The following KHDC1 variants were observed in gnomAD, a reference collection of about 807,000 sequenced individuals.
KHDC1 encodes KH homology domain-containing protein 1.
KHDC1 carries 21 observed loss-of-function variants against 24.7 expected under a neutral mutation model. That is an observed-to-expected ratio of 0.85 (90% confidence interval 0.60 to 1.23). KHDC1 has a LOEUF of 1.23. Among genes scored for constraint, KHDC1 ranks in the 50% most tolerant of loss-of-function variants. KHDC1 has a pLI of 0.00. For synonymous variants in KHDC1, 98 were observed against 111.7 expected (o/e 0.88, Z 0.77); for missense variants, 274 against 298.5 (o/e 0.92, Z 0.61).
chr6:73,293,348 G>T, intron 1 of KHDC1: 1 of 479,560 alleles, frequency 2.1e-6, no homozygotes, highest in East Asian at 5.0e-5. Flanking sequence ...TATATAAAGG[G>T]TGACTTACAT....
chr6:73,255,534 T>TTC (rs1766865758), intron 2 of KHDC1, among the ~76,000 whole-genome samples: 1 of 150,754 alleles, frequency 6.6e-6, no homozygotes, highest in Non-Finnish European at 1.5e-5. Flanking sequence ...TTTTTTTTTT[T>TTC]TCCAACCAGT....
chr6:73,305,975 T>C (rs911543173), intron 1 of KHDC1, among the ~76,000 whole-genome samples: 7 of 152,088 alleles, frequency 4.6e-5, no homozygotes, highest in African/African-American at 1.7e-4. Context: ...TATTTTTAAA[T>C]TGAGCAAATT....
chr6:73,295,960 G>C (rs1369604568), intron 1 of KHDC1, among the ~76,000 whole-genome samples: 3 of 109,050 alleles, frequency 2.8e-5, no homozygotes, highest in African/African-American at 4.5e-5. Context: ...TGCCCAACAT[G>C]GTGAAACCCC....
chr6:73,309,776 GCCAC>G, exon 1 of KHDC1: 1 of 1,514,632 alleles, frequency 6.6e-7, no homozygotes, highest in Non-Finnish European at 8.8e-7. Context: ...AGCTCCTCCC[GCCAC>G]CGCAGAGCCC....
At chr6:73,253,851 G>C (rs1238956680) in intron 2 of KHDC1, among the ~76,000 whole-genome samples, 1 of 152,144 alleles carries the variant, frequency 6.6e-6, no homozygotes. Flanking sequence ...AGGCTGCTGT[G>C]AGCTATGATC....
chr6:73,264,109 G>A (rs575430607), intron 2 of KHDC1, among the ~76,000 whole-genome samples: 29 of 152,258 alleles, frequency 1.9e-4, no homozygotes, highest in African/African-American at 6.3e-4. Context: ...TGAGGTGGGA[G>A]GATTGCTTGA....
At chr6:73,254,676 T>C (rs1236758115) in intron 2 of KHDC1, among the ~76,000 whole-genome samples, 1 of 152,078 alleles carries the variant, frequency 6.6e-6, no homozygotes, top group Non-Finnish European at 1.5e-5. Flanking sequence ...TGTGTATTTA[T>C]CTGAGAACTA....
chr6:73,268,637 T>A (rs1027190712), intron 2 of KHDC1: 1 of 152,462 alleles, frequency 6.6e-6, no homozygotes, highest in Non-Finnish European at 1.5e-5. Flanking sequence ...ATACAGAGTG[T>A]GGATACAAAG....
At chr6:73,310,062 C>A (rs1393395178) in exon 1 of KHDC1, 2 of 249,732 alleles carry the variant, frequency 8.0e-6, no homozygotes, top group Non-Finnish European at 1.6e-5. Flanking sequence ...ACCGACTGAA[C>A]TGAGGGCGTG....
At chr6:73,309,629 C>G in exon 1 of KHDC1, 2 of 1,549,892 alleles carry the variant, frequency 1.3e-6, no homozygotes, top group Non-Finnish European at 1.7e-6. Flanking sequence ...AAAGGGCCAT[C>G]CATAAATGAA....
chr6:73,278,603 A>C (rs1290847006), intron 2 of KHDC1, among the ~76,000 whole-genome samples: 1 of 152,124 alleles, frequency 6.6e-6, no homozygotes, highest in Non-Finnish European at 1.5e-5. Flanking sequence ...ACAAATGTTG[A>C]TGTTTTTATG....
intron 1 of KHDC1, among the ~76,000 whole-genome samples, chr6:73,302,058 G>A (rs1271285189): frequency 6.6e-6 from 1 of 152,196 alleles, no homozygotes; most frequent in Non-Finnish European, 1.5e-5. Context: ...GGGAGGCCGA[G>A]GTGGGCAGAT....
chr6:73,270,964 A>T (rs992837580), intron 2 of KHDC1, among the ~76,000 whole-genome samples: 1 of 152,018 alleles, frequency 6.6e-6, no homozygotes, highest in African/African-American at 2.4e-5. Context: ...TGCTGGGATT[A>T]CAAGCGTGAG....
chr6:73,302,713 A>G (rs1357705263), intron 1 of KHDC1, among the ~76,000 whole-genome samples: 1 of 152,178 alleles, frequency 6.6e-6, no homozygotes, highest in Non-Finnish European at 1.5e-5. Flanking sequence ...CCATTATTGT[A>G]TTTGAGGCCC....
chr6:73,288,342 C>T (rs1255161172), intron 2 of KHDC1, among the ~76,000 whole-genome samples: 2 of 152,188 alleles, frequency 1.3e-5, no homozygotes, highest in African/African-American at 4.8e-5. Context: ...TTTCTTGGGC[C>T]GGGCACGGTG....
At chr6:73,303,670 A>C (rs1378288987) in intron 1 of KHDC1, among the ~76,000 whole-genome samples, 1 of 152,210 alleles carries the variant, frequency 6.6e-6, no homozygotes, top group Non-Finnish European at 1.5e-5. Flanking sequence ...ACATCAGACA[A>C]ACCCAAACTG....
intron 2 of KHDC1, among the ~76,000 whole-genome samples, chr6:73,277,695 A>AC (rs1319722260): frequency 6.6e-6 from 1 of 151,264 alleles, no homozygotes; most frequent in Non-Finnish European, 1.5e-5. Flanking sequence ...TATAAAAAAA[A>AC]CTTAAAAATT....
At chr6:73,280,326 G>T (rs1767380272) in intron 2 of KHDC1, among the ~76,000 whole-genome samples, 1 of 151,064 alleles carries the variant, frequency 6.6e-6, no homozygotes, top group African/African-American at 2.4e-5. Flanking sequence ...CTCGGCTAAT[G>T]TTTGTATTTT....
chr6:73,259,517 T>C (rs1356489928), intron 2 of KHDC1, among the ~76,000 whole-genome samples: 1 of 152,166 alleles, frequency 6.6e-6, no homozygotes, highest in Non-Finnish European at 1.5e-5. Flanking sequence ...TTCTTCTTAC[T>C]TCTCCTTGAG....
Sources: gnomAD v4.1 joint callset for allele counts (sites outside exome capture counted in the v4.1 genomes callset) on GRCh38, gnomAD v4.1.1 for gene constraint, MANE v1.5 for transcripts, NCBI Gene and HGNC (gene_info 2026-07-23, HGNC 2026-07-21) for gene names.